The following PLCD4 variants were observed in gnomAD, a reference collection of about 807,000 sequenced individuals.
The protein encoded by PLCD4 is 1-phosphatidylinositol 4,5-bisphosphate phosphodiesterase delta-4.
In PLCD4, 63 loss-of-function variants were observed where a neutral mutation model predicts 90.2. The ratio of observed to expected loss-of-function variants is 0.70; its 90% CI spans 0.57 to 0.86. The LOEUF is 0.86. Among genes scored for constraint, PLCD4 ranks in the 40% least tolerant of loss-of-function variants. The pLI is 0.00. For missense variants in PLCD4, 830 were observed against 956.3 expected (o/e 0.87, Z 1.74); for synonymous variants, 294 against 356.5 (o/e 0.82, Z 1.97).
intron 7 of PLCD4, chr2:218,629,305 C>A: frequency 3.8e-6 from 2 of 526,172 alleles, no homozygotes; most frequent in South Asian, 3.2e-5. Flanking sequence ...TATGGAAGGA[C>A]TGTGAGTCGG....
intron 10 of PLCD4, 139 bp downstream of exon 10, chr2:218,632,451 C>T (rs1575037850): frequency 2.0e-5 from 16 of 811,076 alleles, no homozygotes; most frequent in African/African-American, 8.7e-5. Context: ...GATTTAAGAC[C>T]GCATACATGG....
chr2:218,632,844 A>G (rs1458697628), intron 10 of PLCD4, among the ~76,000 whole-genome samples: 2 of 151,982 alleles, frequency 1.3e-5, no homozygotes, highest in Non-Finnish European at 1.5e-5. Context: ...CAGGAAGGAG[A>G]GCATTTTGAG....
Position 218,614,255 on chromosome 2 carries a change from A to G in PLCD4, c.-33-1452A>G, listed in dbSNP as rs546356010. Among the ~76,000 whole-genome samples, 504 of 151,822 alleles carry G rather than the reference A, an allele frequency of 3.3e-3. 2 individuals carry two copies. Among genetic ancestry groups the G allele is most frequent in the Non-Finnish European group, 5.2e-3 (352 of 67,934 alleles). On this transcript the variant is annotated intron_variant, in intron 1 of 15. Transcript: ENST00000450993. ...AGGCTGGTCTTGAACTTCTGACTTC[A>G]TGGTCCGCCCGCCTTGGCCTCCCAA... is the stretch of plus-strand genomic sequence containing the variant.
At chr2:218,635,363 CAG>C (rs1394174542) in intron 13 of PLCD4, among the ~76,000 whole-genome samples, 2 of 152,122 alleles carry the variant, frequency 1.3e-5, no homozygotes, top group South Asian at 4.1e-4. Context: ...TATTCTGAGA[CAG>C]AGTCTTGCTC....
intron 1 of PLCD4, among the ~76,000 whole-genome samples, chr2:218,612,650 T>C (rs1695394426): frequency 6.6e-6 from 1 of 152,150 alleles, no homozygotes; most frequent in Non-Finnish European, 1.5e-5. Context: ...CTCACAGCTG[T>C]AATCCCAGCT....
At chr2:218,612,736 C>T (rs1695396917) in intron 1 of PLCD4, among the ~76,000 whole-genome samples, 1 of 152,108 alleles carries the variant, frequency 6.6e-6, no homozygotes, top group African/African-American at 2.4e-5. Flanking sequence ...GGTGCCATTG[C>T]ACTCCAGCCT....
Position 218,636,378 on chromosome 2 carries a change from C to T in PLCD4, c.2168C>T (p.Thr723Ile). Residue 723 changes from threonine (T) to isoleucine (I), a missense_variant, in exon 15 of 16, where the codon ACC (threonine) becomes ATC (isoleucine). Thr to Ile is a moderately conservative substitution (Grantham distance 89). Coordinates refer to ENST00000450993, the MANE Select transcript of PLCD4 (RefSeq NM_032726.4). ...ATTGGTCAGTACACCCTGCCTTGGACCTGCATGCAACAAGGTGAGCCAGCC... is the reference window on the plus strand; with the variant it reads ...ATTGGTCAGTACACCCTGCCTTGGATCTGCATGCAACAAGGTGAGCCAGCC... ...DFIGQYTLPW[T>I]CMQQGYRHIH... 1 of 1,614,058 alleles carries T rather than the reference C, an allele frequency of 6.2e-7. No individual in the cohort carries two copies.
intron 1 of PLCD4, among the ~76,000 whole-genome samples, chr2:218,608,717 TAAATA>T (rs1366795954): frequency 2.0e-5 from 3 of 152,134 alleles, no homozygotes; most frequent in Non-Finnish European, 4.4e-5. Flanking sequence ...TTGTTAAAAA[TAAATA>T]TATTATTGAG....
chr2:218,616,898 T>TTATTTATA (rs1553571889), intron 3 of PLCD4, among the ~76,000 whole-genome samples: 1 of 6,254 alleles, frequency 1.6e-4, no homozygotes, highest in African/African-American at 3.3e-4. Context: ...AGCCATTATT[T>TTATTTATA]TATATATATA....
At chr2:218,628,253 G>T in intron 7 of PLCD4, 23 bp downstream of exon 7, 3 of 1,605,602 alleles carry the variant, frequency 1.9e-6, no homozygotes, top group Non-Finnish European at 2.6e-6. Context: ...TAGAGAAGGG[G>T]TCCAACTCAT....
chr2:218,630,538 C>T, intron 8 of PLCD4, 112 bp from the exon 9 acceptor site: 1 of 1,244,958 alleles, frequency 8.0e-7, no homozygotes, highest in Non-Finnish European at 1.2e-6. Flanking sequence ...GTTTAGTGAT[C>T]AGGGTACTCA....
chr2:218,633,991 C>G (rs1696550716), intron 11 of PLCD4, 114 bp from the exon 12 acceptor site: 17 of 1,428,732 alleles, frequency 1.2e-5, no homozygotes, highest in Non-Finnish European at 1.5e-5. Context: ...GTGAAACTTT[C>G]TGGAGCCAGC....
chr2:218,620,821 G>A (rs1695838152), intron 4 of PLCD4, among the ~76,000 whole-genome samples: 1 of 145,782 alleles, frequency 6.9e-6, no homozygotes, highest in Non-Finnish European at 1.5e-5. Flanking sequence ...TTGGACCCAG[G>A]AGATGGCAGT....
rs767101387 is a variant in PLCD4, at chr2:218,622,831, C to T, written c.725C>T (p.Ser242Phe). ...QEEQKERDCT[S>F]ELALELIDRY... ...GAGCAGAAGGAGAGAGACTGCACCT[C>T]TGAGCTTGCTCTGGAACTCATTGAC... Residue 242 changes from serine (S) to phenylalanine (F), a missense_variant, in exon 6 of 16, where the codon TCT becomes TTT. Coordinates refer to ENST00000450993, the MANE Select transcript of PLCD4 (RefSeq NM_032726.4). The T allele has an allele frequency of 6.2e-7, 1 of 1,614,028 alleles. No homozygotes were observed. Among genetic ancestry groups the T allele is most frequent in the South Asian group, 1.1e-5 (1 of 91,090 alleles).
intron 6 of PLCD4, among the ~76,000 whole-genome samples, chr2:218,627,606 G>A (rs1191326976): frequency 2.0e-5 from 3 of 151,712 alleles, no homozygotes; most frequent in Non-Finnish European, 2.9e-5. Context: ...TCTGCCTCCC[G>A]GGTTCACGCC....
chr2:218,633,532 T>C, intron 10 of PLCD4, 73 bp from the exon 11 acceptor site: 1 of 1,530,140 alleles, frequency 6.5e-7, no homozygotes, highest in South Asian at 1.1e-5. Flanking sequence ...GAGGTTTAGG[T>C]TGGATGGCCA....
At chr2:218,612,464 A>G (rs1220527244) in intron 1 of PLCD4, among the ~76,000 whole-genome samples, 1 of 152,198 alleles carries the variant, frequency 6.6e-6, no homozygotes, top group Non-Finnish European at 1.5e-5. Flanking sequence ...ATACCTATAC[A>G]TTACTACCCA....
intron 9 of PLCD4, among the ~76,000 whole-genome samples, chr2:218,631,419 C>T (rs111716471): frequency 0.013 from 1,955 of 152,244 alleles, 49 homozygotes; most frequent in African/African-American, 0.045. Flanking sequence ...CCTCCTCAGC[C>T]TCCCAAAGTG....
chr2:218,631,214 G>T (rs555773244), intron 9 of PLCD4, among the ~76,000 whole-genome samples: 1 of 152,048 alleles, frequency 6.6e-6, no homozygotes, highest in South Asian at 2.1e-4. Flanking sequence ...GCCCAGGCTG[G>T]AGTGCAATGG....
Sources: gnomAD v4.1 joint callset for allele counts (sites outside exome capture counted in the v4.1 genomes callset) on GRCh38, gnomAD v4.1.1 for gene constraint, MANE v1.5 for transcripts, NCBI Gene and HGNC (gene_info 2026-07-23, HGNC 2026-07-21) for gene names.